INSR: variants seen among roughly 807,000 people sequenced by gnomAD.
The protein encoded by INSR is insulin receptor.
Under a neutral mutation model 142.6 loss-of-function variants are expected in INSR, and 67 were observed. The observed-to-expected ratio is 0.47, with a 90% CI of 0.39 to 0.58. The LOEUF is 0.58. Ranked by LOEUF, INSR falls within the 20% of genes least tolerant of loss-of-function variation. The pLI is 0.00. For synonymous variants in INSR, 756 were observed against 743.1 expected (o/e 1.02, Z -0.28); for missense variants, 1,248 against 1,833.2 (o/e 0.68, Z 5.83).
chr19:7,223,686 G>C (rs1975690148), intron 2 of INSR, among the ~76,000 whole-genome samples: 1 of 152,154 alleles, frequency 6.6e-6, no homozygotes, highest in East Asian at 1.9e-4. Context: ...CCTCTGTAAG[G>C]CAGAGTATAG....
chr19:7,185,455 T>G (rs966580302), intron 2 of INSR, among the ~76,000 whole-genome samples: 1 of 151,648 alleles, frequency 6.6e-6, no homozygotes, highest in African/African-American at 2.4e-5. Context: ...CTTGCACTAA[T>G]CTAGATACTG....
rs967680751 is a variant in INSR, at chr19:7,150,653, C to T, written c.2232-121G>A. ...GGGCACCCTGGCTTTGACCCTGGAC[C>T]ACTCGCTCCCATCACTTGCTAGACG... On this transcript the variant is annotated intron_variant, in intron 10 of 21. Coordinates refer to ENST00000302850, the MANE Select transcript of INSR (RefSeq NM_000208.4). The surrounding 1 kb of genome is among the most constrained non-coding windows in gnomAD (Gnocchi z 4.2). 2 of 846,174 alleles carry T rather than the reference C, an allele frequency of 2.4e-6. No individual in the cohort carries two copies. Among genetic ancestry groups the T allele is most frequent in the Admixed American group, 2.0e-5 (1 of 51,048 alleles). 52.4% of individuals were successfully genotyped at this position (846,174 alleles called of 1,614,324 possible).
At chr19:7,128,189 T>C (rs897352683) in intron 15 of INSR, among the ~76,000 whole-genome samples, 4 of 151,818 alleles carry the variant, frequency 2.6e-5, no homozygotes, top group African/African-American at 7.3e-5. Flanking sequence ...GATGAACATA[T>C]ATGTCTTATT....
chr19:7,214,705 T>C (rs1255708553), intron 2 of INSR, among the ~76,000 whole-genome samples: 1 of 152,192 alleles, frequency 6.6e-6, no homozygotes, highest in African/African-American at 2.4e-5. Context: ...GAGGAAGATA[T>C]GATGATGACT....
intron 2 of INSR, among the ~76,000 whole-genome samples, chr19:7,232,735 G>A (rs971654062): frequency 1.1e-4 from 17 of 151,598 alleles, no homozygotes; most frequent in Admixed American, 2.6e-4. Flanking sequence ...GCGTGAACCC[G>A]GGAGGCGGAG....
intron 2 of INSR, among the ~76,000 whole-genome samples, chr19:7,228,698 A>G (rs1241418854): frequency 6.6e-6 from 1 of 152,254 alleles, no homozygotes; most frequent in Non-Finnish European, 1.5e-5. Flanking sequence ...TAAGCATTTA[A>G]TAAGGTAGCA....
chr19:7,198,310 A>G (rs1974850352), intron 2 of INSR, among the ~76,000 whole-genome samples: 1 of 151,682 alleles, frequency 6.6e-6, no homozygotes, highest in South Asian at 2.1e-4. Flanking sequence ...GCGCTCGGGC[A>G]GTGGCCGCCG....
chr19:7,254,585 G>A (rs1327249380), intron 2 of INSR, among the ~76,000 whole-genome samples: 2 of 152,022 alleles, frequency 1.3e-5, no homozygotes, highest in Admixed American at 6.6e-5. Context: ...CAGAGGAAAG[G>A]GGAGATAGGA....
At chr19:7,262,123 T>C (rs1164549191) in intron 2 of INSR, among the ~76,000 whole-genome samples, 2 of 151,920 alleles carry the variant, frequency 1.3e-5, no homozygotes, top group African/African-American at 2.4e-5. Flanking sequence ...GACAGGGGAG[T>C]ATCCTCTGAA....
At chr19:7,242,165 A>AG (rs1297011274) in intron 2 of INSR, among the ~76,000 whole-genome samples, 3 of 147,952 alleles carry the variant, frequency 2.0e-5, no homozygotes, top group African/African-American at 7.5e-5. Flanking sequence ...AAAAAAAAAA[A>AG]AGAAGAAGGA....
At chr19:7,207,901 A>AAAGGAAGGAAGGAAGGAAAGG (rs1555752221) in intron 2 of INSR, among the ~76,000 whole-genome samples, 12 of 72,806 alleles carry the variant, frequency 1.6e-4, no homozygotes, top group African/African-American at 5.7e-4. Context: ...GGAAGGAAGG[A>AAAGGAAGGAAGGAAGGAAAGG]AAGGAAGGAA....
intron 1 of INSR, among the ~76,000 whole-genome samples, chr19:7,286,530 G>A (rs375375289): frequency 1.2e-3 from 178 of 151,670 alleles, no homozygotes; most frequent in African/African-American, 3.7e-3. Context: ...TGGGACTACC[G>A]GTACACACCA....
At chr19:7,122,189 AT>A (rs1321546821) in intron 19 of INSR, among the ~76,000 whole-genome samples, 1 of 151,724 alleles carries the variant, frequency 6.6e-6, no homozygotes, top group Non-Finnish European at 1.5e-5. Flanking sequence ...CACGCCTGTA[AT>A]CCCAGCACTT....
At chr19:7,158,263 G>A (rs960850461) in intron 9 of INSR, among the ~76,000 whole-genome samples, 3 of 152,032 alleles carry the variant, frequency 2.0e-5, no homozygotes, top group Non-Finnish European at 4.4e-5. Flanking sequence ...CACGTTGGGA[G>A]GCCAAGGTGG....
At chr19:7,190,318 T>G (rs1292117830) in intron 2 of INSR, among the ~76,000 whole-genome samples, 1 of 151,924 alleles carries the variant, frequency 6.6e-6, no homozygotes, top group Admixed American at 6.6e-5. Flanking sequence ...ATAATCCTGC[T>G]GTTCCCTCAC....
chr19:7,186,511 C>T (rs1974435083), intron 2 of INSR, among the ~76,000 whole-genome samples: 1 of 151,918 alleles, frequency 6.6e-6, no homozygotes, highest in Admixed American at 6.6e-5. Context: ...TAAAATTCAC[C>T]ATTGTAATCA....
intron 1 of INSR, among the ~76,000 whole-genome samples, chr19:7,280,603 G>A (rs1968180379): frequency 6.6e-6 from 1 of 151,926 alleles, no homozygotes; most frequent in Non-Finnish European, 1.5e-5. Flanking sequence ...TGTAGTCCCA[G>A]CTACTTGGGA....
chr19:7,271,027 A>C (rs10420869), intron 1 of INSR, among the ~76,000 whole-genome samples: 9,445 of 151,986 alleles, frequency 0.062, 1,025 homozygotes, highest in African/African-American at 0.22. Context: ...ACACCACTGC[A>C]CTCCAGCCTG....
chr19:7,266,739 C>T (rs1232970718), intron 2 of INSR, among the ~76,000 whole-genome samples: 1 of 152,104 alleles, frequency 6.6e-6, no homozygotes. Context: ...CTTCAGTAGA[C>T]ACGACAGATT....
Sources: allele counts gnomAD v4.1 joint callset (sites outside exome capture counted in the v4.1 genomes callset), GRCh38; gene constraint gnomAD v4.1.1; non-coding constraint Gnocchi (gnomAD v3.1); transcripts MANE v1.5; gene names NCBI Gene and HGNC (gene_info 2026-07-23, HGNC 2026-07-21).